Variants in MARCHF11 observed in about 807,000 individuals in gnomAD.
MARCHF11 encodes the protein E3 ubiquitin-protein ligase MARCHF11.
Under a neutral mutation model 37.3 loss-of-function variants are expected in MARCHF11, and 29 were observed. The observed-to-expected ratio is 0.78, with a 90% confidence interval of 0.58 to 1.06. The LOEUF is 1.06. Ranked by LOEUF, MARCHF11 falls within the 50% of genes least tolerant of loss-of-function variation. The pLI, the probability that MARCHF11 is intolerant of heterozygous loss-of-function variation, is 0.00. For synonymous variants in MARCHF11, 233 were observed against 228.0 expected (o/e 1.02, Z -0.20); for missense variants, 482 against 533.4 (o/e 0.90, Z 0.95).
At chr5:16,112,653 T>G (rs1333956858) in intron 2 of MARCHF11, among the ~76,000 whole-genome samples, 5 of 152,180 alleles carry the variant, frequency 3.3e-5, no homozygotes, top group Admixed American at 3.3e-4. Context: ...CAGTTAAGAC[T>G]TTGGGGGACT....
At chr5:16,084,155 A>G (rs1313500120) in intron 3 of MARCHF11, among the ~76,000 whole-genome samples, 1 of 152,244 alleles carries the variant, frequency 6.6e-6, no homozygotes, top group African/African-American at 2.4e-5. Flanking sequence ...AAATGTAAAT[A>G]TATGTCCAAT....
At chr5:16,102,211 T>A (rs1736968582) in intron 2 of MARCHF11, among the ~76,000 whole-genome samples, 1 of 152,154 alleles carries the variant, frequency 6.6e-6, no homozygotes. Context: ...ACACAACCCA[T>A]TAAGCTGAGT....
intron 2 of MARCHF11, among the ~76,000 whole-genome samples, chr5:16,099,393 T>G (rs1291292633): frequency 1.3e-5 from 2 of 152,206 alleles, no homozygotes; most frequent in Non-Finnish European, 2.9e-5. Context: ...GTTTACATAT[T>G]ATAATGCAAA....
At chr5:16,162,227 T>G (rs1261523258) in intron 2 of MARCHF11, among the ~76,000 whole-genome samples, 25 of 152,128 alleles carry the variant, frequency 1.6e-4, no homozygotes, top group East Asian at 1.9e-4. Flanking sequence ...AATGTCTATC[T>G]GATTGTACTC....
chr5:16,068,566 T>C (rs1004566917), intron 3 of MARCHF11, among the ~76,000 whole-genome samples: 2 of 152,168 alleles, frequency 1.3e-5, no homozygotes, highest in African/African-American at 4.8e-5. Flanking sequence ...GAATCAGATC[T>C]TTCCACGTTT....
chr5:16,087,264 T>C (rs1736715425), intron 3 of MARCHF11, among the ~76,000 whole-genome samples: 1 of 152,240 alleles, frequency 6.6e-6, no homozygotes, highest in African/African-American at 2.4e-5. Flanking sequence ...AAGAGTCATT[T>C]GTCAAACATG....
In MARCHF11 at chr5:16,126,626, G is replaced by A. The variant is rs539243370; in HGVS notation, c.694-35545C>T. On this transcript the variant is annotated intron_variant, in intron 2 of 3. Transcript: ENST00000332432. The stretch of plus-strand genomic sequence containing the variant: ...ATGAGTATATGGTGGTTCTAAATTC[G>A]CTAGGGCAAAAAAGCTAAAAGATAC... 1.9e-4 allele frequency among the ~76,000 whole-genome samples: 29 copies of A among 152,210 alleles called. No homozygotes were observed. In the East Asian group the frequency reaches 4.6e-3, roughly 24 times the overall value.
chr5:16,125,390 T>A (rs1560982163), intron 2 of MARCHF11, among the ~76,000 whole-genome samples: 1 of 152,154 alleles, frequency 6.6e-6, no homozygotes, highest in Non-Finnish European at 1.5e-5. Context: ...CATCCTATTA[T>A]CATCATTATC....
At chr5:16,092,583 GT>G (rs1282682906) in intron 2 of MARCHF11, among the ~76,000 whole-genome samples, 2 of 152,088 alleles carry the variant, frequency 1.3e-5, no homozygotes, top group African/African-American at 4.8e-5. Flanking sequence ...GGGCCTGTTG[GT>G]GGGTGGGGAA....
chr5:16,171,376 T>G (rs755584494), intron 2 of MARCHF11, among the ~76,000 whole-genome samples: 38 of 151,922 alleles, frequency 2.5e-4, no homozygotes, highest in Non-Finnish European at 5.0e-4. Context: ...TTGAATTTTC[T>G]AAGAGGTTGT....
chr5:16,179,450 G>A lies in MARCHF11; in HGVS notation c.126C>T (p.Val42=), dbSNP rs1267217301. The change falls in exon 1 of 4, where the codon GTC becomes GTT. Residue 42 remains valine, a synonymous_variant. Transcript: ENST00000332432. ...GCGGCAGGTAGCGCGGGGCCGCGGG[G>A]ACCGGGGCCGGCTCTCCCGGCGGCG... is the stretch of plus-strand genomic sequence containing the variant. ...PTPPPGEPAP[V]PAAPRYLPPL... 144 of 1,116,424 alleles carry A rather than the reference G, an allele frequency of 1.3e-4. No individual in the cohort carries two copies. The highest frequency in any genetic ancestry group is 1.5e-4 in the Non-Finnish European group (139 of 915,420). 69.2% of individuals were successfully genotyped at this position (1,116,424 alleles called of 1,614,324 possible).
intron 3 of MARCHF11, among the ~76,000 whole-genome samples, chr5:16,079,942 C>T (rs1736579559): frequency 6.6e-6 from 1 of 152,162 alleles, no homozygotes; most frequent in Non-Finnish European, 1.5e-5. Context: ...CATCAAGCTG[C>T]CCCTTCCCAT....
chr5:16,074,642 C>A (rs1290889500), intron 3 of MARCHF11, among the ~76,000 whole-genome samples: 1 of 152,106 alleles, frequency 6.6e-6, no homozygotes, highest in East Asian at 1.9e-4. Context: ...AGCTCAAAGG[C>A]TCAAACACAG....
intron 3 of MARCHF11, among the ~76,000 whole-genome samples, chr5:16,070,266 T>G (rs572843357): frequency 6.6e-6 from 1 of 152,186 alleles, no homozygotes; most frequent in Non-Finnish European, 1.5e-5. Flanking sequence ...TTTTTCCTCC[T>G]TAAAATGAAA....
At chr5:16,174,334 C>T (rs562985117) in intron 2 of MARCHF11, among the ~76,000 whole-genome samples, 57 of 152,298 alleles carry the variant, frequency 3.7e-4, no homozygotes, top group South Asian at 2.3e-3. Context: ...TCTTAATTAA[C>T]TCCTACTGCT....
intron 2 of MARCHF11, among the ~76,000 whole-genome samples, chr5:16,170,840 A>G (rs866522204): frequency 1.6e-4 from 25 of 152,112 alleles, no homozygotes; most frequent in Admixed American, 1.3e-4. Flanking sequence ...TTCAGAAGGG[A>G]ATATTCCAAG....
rs149723356 is a variant in MARCHF11, at chr5:16,081,961, A to C, written c.886+8928T>G. Among the ~76,000 whole-genome samples, 174 of 152,332 alleles carry C rather than the reference A, an allele frequency of 1.1e-3. 4 individuals carry two copies. The East Asian group carries it at 0.026, about 22-fold the overall frequency. On this transcript the variant is annotated intron_variant, in intron 3 of 3. Coordinates refer to ENST00000332432, the MANE Select transcript of MARCHF11 (RefSeq NM_001102562.3). ...CCAGGATTTTAAAGGCAATGGTATC[A>C]CTCATAACCAACTATGATAATAATC... is the stretch of plus-strand genomic sequence containing the variant.
At chr5:16,075,062 A>G (rs1736495112) in intron 3 of MARCHF11, among the ~76,000 whole-genome samples, 1 of 152,194 alleles carries the variant, frequency 6.6e-6, no homozygotes, top group Non-Finnish European at 1.5e-5. Flanking sequence ...CTCATCTTTT[A>G]CTAATTGGCA....
chr5:16,105,461 GC>G (rs1319617750), intron 2 of MARCHF11, among the ~76,000 whole-genome samples: 3 of 152,152 alleles, frequency 2.0e-5, no homozygotes, highest in Non-Finnish European at 2.9e-5. Flanking sequence ...TAAAGAACAA[GC>G]TTTTCCTCAC....
Sources: allele counts gnomAD v4.1 joint callset (sites outside exome capture counted in the v4.1 genomes callset), GRCh38; gene constraint gnomAD v4.1.1; transcripts MANE v1.5; gene names NCBI Gene and HGNC (gene_info 2026-07-23, HGNC 2026-07-21).